XYLT1: variants seen among roughly 807,000 people sequenced by gnomAD.
The protein encoded by XYLT1 is beta-D-xylosyltransferase 1.
In XYLT1, 36 loss-of-function variants were observed where a neutral mutation model predicts 91.3. That is an observed-to-expected ratio of 0.39 (90% CI 0.30 to 0.52). The LOEUF is 0.52. XYLT1 is among the 20% of genes least tolerant of loss of function. The pLI is 0.68. For missense variants in XYLT1, 1,242 were observed against 1,284.5 expected (o/e 0.97, Z 0.51); for synonymous variants, 588 against 532.0 (o/e 1.11, Z -1.45).
chr16:17,226,795 C>A (rs866115804), intron 3 of XYLT1, among the ~76,000 whole-genome samples: 2 of 152,026 alleles, frequency 1.3e-5, no homozygotes, highest in African/African-American at 4.8e-5. Flanking sequence ...AAAATAAAAA[C>A]GAAGTTTCCA....
chr16:17,457,993 G>C (rs2036766734), intron 1 of XYLT1, among the ~76,000 whole-genome samples: 1 of 152,184 alleles, frequency 6.6e-6, no homozygotes, highest in Non-Finnish European at 1.5e-5. Flanking sequence ...GGTAACTGTT[G>C]TATTACTTGA....
At chr16:17,276,860 ACTAT>A (rs1210056474) in intron 2 of XYLT1, among the ~76,000 whole-genome samples, 4 of 152,188 alleles carry the variant, frequency 2.6e-5, no homozygotes, top group Admixed American at 2.0e-4. Context: ...TCCTACGTAA[ACTAT>A]CTATAATATC....
At chr16:17,379,763 T>TCTCTTTCTCACA (rs373354877) in intron 1 of XYLT1, among the ~76,000 whole-genome samples, 1 of 125,546 alleles carries the variant, frequency 8.0e-6, no homozygotes, top group African/African-American at 3.2e-5. Context: ...TCTCTCTCTC[T>TCTCTTTCTCACA]CACACACACA....
intron 2 of XYLT1, among the ~76,000 whole-genome samples, chr16:17,350,679 A>G (rs116303105): frequency 2.6e-5 from 4 of 152,190 alleles, no homozygotes; most frequent in Admixed American, 2.0e-4. Context: ...TAGTCTCACC[A>G]TCCTCTCAAC....
intron 1 of XYLT1, among the ~76,000 whole-genome samples, chr16:17,372,094 T>C (rs956528717): frequency 1.3e-5 from 2 of 152,156 alleles, no homozygotes; most frequent in Non-Finnish European, 2.9e-5. Flanking sequence ...CACTAAGAGT[T>C]TTACTTCTGA....
intron 3 of XYLT1, among the ~76,000 whole-genome samples, chr16:17,248,710 A>T (rs7196324): frequency 0.65 from 97,367 of 149,678 alleles, 33,009 homozygotes; most frequent in African/African-American, 0.83. Context: ...CAACTATGCA[A>T]CTCCCCAGAA....
intron 3 of XYLT1, among the ~76,000 whole-genome samples, chr16:17,230,155 G>A (rs1027891208): frequency 1.3e-5 from 2 of 152,190 alleles, no homozygotes; most frequent in Non-Finnish European, 2.9e-5. Flanking sequence ...TCTCCAGGAC[G>A]AGAGAATAAA....
Position 17,470,808 on chromosome 16 carries a change from G to A in XYLT1, c.-12C>T. Reference sequence around the variant, plus strand: ...GGCGCCGCCACCATCTTCGGAGCGCGGCCGGCGAGCGAGGCGCGGGGACCC... The same window carrying A: ...GGCGCCGCCACCATCTTCGGAGCGCAGCCGGCGAGCGAGGCGCGGGGACCC... On this transcript the variant is annotated 5_prime_UTR_variant, in exon 1 of 12. Coordinates refer to ENST00000261381, the MANE Select transcript of XYLT1 (RefSeq NM_022166.4). 1 of 925,254 alleles carries A rather than the reference G, an allele frequency of 1.1e-6. No individual in the cohort carries two copies. Among genetic ancestry groups the A allele is most frequent in the African/African-American group, 2.7e-5 (1 of 37,108 alleles). The allele number at this position is 925,254 out of a possible 1,614,324, so 57.3% of individuals were successfully genotyped here. A position where few individuals can be genotyped will look rare whatever the true frequency, so the allele number is the denominator to read the frequency against.
intron 2 of XYLT1, among the ~76,000 whole-genome samples, chr16:17,296,651 C>A (rs892145871): frequency 6.6e-6 from 1 of 152,212 alleles, no homozygotes; most frequent in Non-Finnish European, 1.5e-5. Flanking sequence ...CCGGGGCCAA[C>A]TGGGGACAAA....
chr16:17,201,887 G>A (rs915035865), intron 3 of XYLT1, among the ~76,000 whole-genome samples: 1 of 152,132 alleles, frequency 6.6e-6, no homozygotes, highest in Non-Finnish European at 1.5e-5. Flanking sequence ...ATTGCCAAGG[G>A]GGGATGAGGG....
chr16:17,243,176 C>T (rs1489270436), intron 3 of XYLT1, among the ~76,000 whole-genome samples: 1 of 152,198 alleles, frequency 6.6e-6, no homozygotes, highest in African/African-American at 2.4e-5. Context: ...ACAGCCTCTG[C>T]TTTAATAATT....
At chr16:17,200,296 T>C (rs781268817) in intron 4 of XYLT1, among the ~76,000 whole-genome samples, 186 bp downstream of exon 4, 4 of 152,210 alleles carry the variant, frequency 2.6e-5, no homozygotes, top group South Asian at 2.1e-4. Flanking sequence ...CTGGAAACTT[T>C]GAAACCAACA....
chr16:17,222,582 G>A (rs1334154717), intron 3 of XYLT1, among the ~76,000 whole-genome samples: 2 of 152,060 alleles, frequency 1.3e-5, no homozygotes, highest in Non-Finnish European at 2.9e-5. Context: ...TTGACGTCAC[G>A]AGTTCAAGAT....
At chr16:17,354,462 G>A (rs1309393222) in intron 2 of XYLT1, among the ~76,000 whole-genome samples, 1 of 152,204 alleles carries the variant, frequency 6.6e-6, no homozygotes, top group East Asian at 1.9e-4. Context: ...ACGAGGGAGA[G>A]AGGGATGCGT....
rs200312606 is a variant in XYLT1, at chr16:17,198,335, G to T, written c.1166C>A (p.Ala389Asp). The T allele has an allele frequency of 3.2e-5, 52 of 1,614,210 alleles. No individual in the cohort carries two copies. Among genetic ancestry groups the T allele is most frequent in the Non-Finnish European group, 3.7e-5 (44 of 1,180,022 alleles). The change falls in exon 5 of 12, where the codon GCC (alanine) becomes GAC (aspartate). Residue 389 changes from alanine (A) to aspartate (D), a missense_variant. Physicochemically the swap from Ala to Asp is moderately radical, Grantham distance 126. Coordinates refer to ENST00000261381, the MANE Select transcript of XYLT1 (RefSeq NM_022166.4). Reference sequence around the variant, plus strand: ...GAGGCTGGCTCCTCCCCAGATGGTGGCCATTCTCCAGGGGGTGACGCGGAC... The same window carrying T: ...GAGGCTGGCTCCTCCCCAGATGGTGTCCATTCTCCAGGGGGTGACGCGGAC... ...SNVRVTPWRM[A>D]TIWGGASLLS...
At chr16:17,128,028 T>C (rs2030324810) in intron 9 of XYLT1, among the ~76,000 whole-genome samples, 167 bp from the exon 10 acceptor site, 1 of 152,184 alleles carries the variant, frequency 6.6e-6, no homozygotes, top group Non-Finnish European at 1.5e-5. Context: ...ATGAATACTT[T>C]TTTCTTCTGC....
At chr16:17,421,465 T>G (rs2036250859) in intron 1 of XYLT1, among the ~76,000 whole-genome samples, 1 of 152,306 alleles carries the variant, frequency 6.6e-6, no homozygotes, top group South Asian at 2.1e-4. Context: ...GGAGTGATGC[T>G]GTGCCAGTTT....
At chr16:17,248,690 C>A (rs1014122114) in intron 3 of XYLT1, among the ~76,000 whole-genome samples, 10 of 151,808 alleles carry the variant, frequency 6.6e-5, no homozygotes, top group Non-Finnish European at 1.3e-4. Context: ...CTTAGCTCAA[C>A]TATAAAACAC....
In XYLT1 at chr16:17,266,440, C is replaced by T. The variant is rs139865462; in HGVS notation, c.403-6942G>A. On this transcript the variant is annotated intron_variant, in intron 2 of 11. Coordinates refer to ENST00000261381, the MANE Select transcript of XYLT1 (RefSeq NM_022166.4). ...CTCCATGATGAGCTGATAAAGAAGA[C>T]GCTATATTTTCTACCCATTTTTCAG... Among the ~76,000 whole-genome samples the T allele has an allele frequency of 7.5e-4, 114 of 152,198 alleles. 2 individuals are homozygous for T. Among genetic ancestry groups the T allele is most frequent in the East Asian group, 3.7e-3 (19 of 5,184 alleles).
Sources: gnomAD v4.1 joint callset for allele counts (sites outside exome capture counted in the v4.1 genomes callset) on GRCh38, gnomAD v4.1.1 for gene constraint, MANE v1.5 for transcripts, NCBI Gene and HGNC (gene_info 2026-07-23, HGNC 2026-07-21) for gene names.